The following FRAS1 variants were observed in gnomAD, a reference collection of about 807,000 sequenced individuals.
FRAS1 encodes extracellular matrix organizing protein FRAS1.
In FRAS1, 290 loss-of-function variants were observed where a neutral mutation model predicts 435.2. The observed-to-expected ratio is 0.67, with a 90% CI of 0.61 to 0.73. The LOEUF is 0.73. FRAS1 is among the 30% of genes least tolerant of loss of function. FRAS1 has a pLI of 0.00. For synonymous variants in FRAS1, 1,800 were observed against 1,851.0 expected (o/e 0.97, Z 0.71); for missense variants, 4,860 against 5,001.5 (o/e 0.97, Z 0.85).
chr4:78,112,133 A>G (rs539303012), intron 2 of FRAS1, among the ~76,000 whole-genome samples: 2 of 152,246 alleles, frequency 1.3e-5, no homozygotes, highest in East Asian at 3.9e-4. Flanking sequence ...TCTAAATTTT[A>G]GATAAGAATT....
chr4:78,205,566 G>T (rs970040048), intron 2 of FRAS1, among the ~76,000 whole-genome samples: 1 of 152,162 alleles, frequency 6.6e-6, no homozygotes, highest in Admixed American at 6.5e-5. Flanking sequence ...TGAATTACTC[G>T]AATCAGCAGC....
chr4:78,119,769 T>G (rs1047223133), intron 2 of FRAS1, among the ~76,000 whole-genome samples: 3 of 152,076 alleles, frequency 2.0e-5, no homozygotes, highest in Non-Finnish European at 4.4e-5. Context: ...GGATCCTGAG[T>G]TTTACTTTTA....
intron 2 of FRAS1, among the ~76,000 whole-genome samples, chr4:78,188,139 T>A (rs1440227003): frequency 1.3e-5 from 2 of 152,158 alleles, no homozygotes; most frequent in Non-Finnish European, 2.9e-5. Flanking sequence ...CCCCTTTCTT[T>A]CTATGGAAAC....
chr4:78,307,978 C>T, intron 14 of FRAS1, 88 bp from the exon 15 acceptor site: 1 of 1,339,020 alleles, frequency 7.5e-7, no homozygotes, highest in African/African-American at 1.5e-5. Context: ...CTGACATCCT[C>T]CTTGTGTATT....
intron 28 of FRAS1, among the ~76,000 whole-genome samples, chr4:78,384,736 C>G: frequency 7.1e-6 from 1 of 141,030 alleles, no homozygotes; most frequent in East Asian, 2.1e-4. Flanking sequence ...TATACCGAAA[C>G]AAAAAAAAAA....
At chr4:78,322,560 G>C (rs544054341) in intron 18 of FRAS1, among the ~76,000 whole-genome samples, 9 of 146,450 alleles carry the variant, frequency 6.1e-5, no homozygotes, top group African/African-American at 2.5e-4. Context: ...AAAAGCAAGA[G>C]ACAGATTCTT....
At chr4:78,401,228 T>C (rs12500956) in intron 30 of FRAS1, among the ~76,000 whole-genome samples, 47,153 of 151,730 alleles carry the variant, frequency 0.31, 7,562 homozygotes, top group African/African-American at 0.39. Flanking sequence ...TCAAACTCTG[T>C]ATTATATGCC....
chr4:78,537,121 C>CGGGGACAATCTACAAT lies in FRAS1; in HGVS notation c.11221_11236dup (p.Glu3746GlyfsTer6). On this transcript the variant is annotated frameshift_variant, in exon 72 of 74. Coordinates refer to ENST00000512123, the MANE Select transcript of FRAS1 (RefSeq NM_025074.7). LOFTEE classifies it high-confidence loss of function. ...GGTTATGTGCCTTTCTTTGATCCCA[C>CGGGGACAATCTACAAT]GGGGACAATCTACAATGAAGGGCCC... 6.2e-7 allele frequency: 1 copy of CGGGGACAATCTACAAT among 1,613,970 alleles called. No individual in the cohort carries two copies. Among genetic ancestry groups the CGGGGACAATCTACAAT allele is most frequent in the South Asian group, 1.1e-5 (1 of 91,082 alleles).
intron 2 of FRAS1, among the ~76,000 whole-genome samples, chr4:78,082,306 G>C (rs1383293206): frequency 6.6e-6 from 1 of 151,866 alleles, no homozygotes; most frequent in African/African-American, 2.4e-5. Context: ...TTACCTTTAT[G>C]CTTGAAAGTC....
chr4:78,519,174 T>C (rs1289037566), intron 66 of FRAS1, among the ~76,000 whole-genome samples, 157 bp from the exon 67 acceptor site: 1 of 148,062 alleles, frequency 6.8e-6, no homozygotes, highest in Non-Finnish European at 1.5e-5. Flanking sequence ...CCTTTATTTT[T>C]TTAAATAAGT....
At chr4:78,471,084 G>T (rs1719693593) in intron 51 of FRAS1, among the ~76,000 whole-genome samples, 1 of 152,162 alleles carries the variant, frequency 6.6e-6, no homozygotes, top group Non-Finnish European at 1.5e-5. Context: ...ATTTTTGTAG[G>T]TAAGTGTGCA....
chr4:78,284,627 G>A, intron 13 of FRAS1, 79 bp downstream of exon 13: 1 of 1,354,034 alleles, frequency 7.4e-7, no homozygotes, highest in Non-Finnish European at 1.0e-6. Flanking sequence ...CTTAAACTGA[G>A]GCTCAGTATT....
chr4:78,162,131 A>G (rs1253520002), intron 2 of FRAS1, among the ~76,000 whole-genome samples: 1 of 152,106 alleles, frequency 6.6e-6, no homozygotes, highest in Non-Finnish European at 1.5e-5. Context: ...TTTGTCCTTG[A>G]TGTGTGTCTT....
chr4:78,319,004 A>C lies in FRAS1; in HGVS notation c.2137+18A>C. The C allele has an allele frequency of 6.2e-7, 1 of 1,612,828 alleles. No individual in the cohort carries two copies. Among genetic ancestry groups the C allele is most frequent in the Non-Finnish European group, 8.5e-7 (1 of 1,179,012 alleles). On this transcript the variant is annotated intron_variant, in intron 18 of 73. Coordinates refer to ENST00000512123, the MANE Select transcript of FRAS1 (RefSeq NM_025074.7). ...ATGTGAAGGTAAGCATGATTTGAGAAAGTGTTAGGTAGCCTCTGGGCTTAT... is the reference window on the plus strand; with the variant it reads ...ATGTGAAGGTAAGCATGATTTGAGACAGTGTTAGGTAGCCTCTGGGCTTAT...
At chr4:78,462,087 G>A (rs1042725153) in intron 47 of FRAS1, among the ~76,000 whole-genome samples, 3 of 150,768 alleles carry the variant, frequency 2.0e-5, no homozygotes, top group South Asian at 2.1e-4. Flanking sequence ...CACACTTTAC[G>A]CCGGAAGCAA....
chr4:78,525,493 C>T (rs575792117), intron 69 of FRAS1, among the ~76,000 whole-genome samples: 1 of 152,290 alleles, frequency 6.6e-6, no homozygotes, highest in African/African-American at 2.4e-5. Flanking sequence ...TCAGCCTGTG[C>T]CAGTCCACTA....
chr4:78,145,107 T>C (rs72654668), intron 2 of FRAS1, among the ~76,000 whole-genome samples: 18,877 of 152,224 alleles, frequency 0.12, 1,287 homozygotes, highest in Admixed American at 0.16. Flanking sequence ...TATGAGAGTG[T>C]TCATTTCCAA....
At chr4:78,169,662 A>G (rs1721472175) in intron 2 of FRAS1, among the ~76,000 whole-genome samples, 1 of 152,168 alleles carries the variant, frequency 6.6e-6, no homozygotes, top group African/African-American at 2.4e-5. Flanking sequence ...GGTGCAAGGA[A>G]TGTTCTTTTG....
Position 78,540,700 on chromosome 4 carries a change from A to G in FRAS1, c.11615A>G (p.Asn3872Ser). The G allele has an allele frequency of 1.9e-6, 3 of 1,613,848 alleles. No individual in the cohort carries two copies. Among genetic ancestry groups the G allele is most frequent in the South Asian group, 1.1e-5 (1 of 91,056 alleles). ...LILDDSLIYD[N>S]EGDQVKNGTN... ...CTTGATGATTCCCTCATCTATGACA[A>G]TGAAGGAGACCAAGTCAAGAATGGC... Residue 3872 changes from asparagine (N) to serine (S), a missense_variant, in exon 74 of 74, where the codon AAT (asparagine) becomes AGT (serine). Physicochemically the swap from Asn to Ser is conservative, Grantham distance 46. Coordinates refer to ENST00000512123, the MANE Select transcript of FRAS1 (RefSeq NM_025074.7).
Sources: allele counts gnomAD v4.1 joint callset (sites outside exome capture counted in the v4.1 genomes callset), GRCh38; gene constraint gnomAD v4.1.1; transcripts MANE v1.5; gene names NCBI Gene and HGNC (gene_info 2026-07-23, HGNC 2026-07-21).